GYPB: variants seen among roughly 807,000 people sequenced by gnomAD.
GYPB encodes the protein glycophorin B (MNS blood group).
GYPB carries 13 observed loss-of-function variants against 15.3 expected under a neutral mutation model. The observed-to-expected ratio is 0.85, with a 90% CI of 0.55 to 1.35. The LOEUF is 1.35. Among genes scored for constraint, GYPB ranks in the 40% most tolerant of loss-of-function variants. The pLI, the probability that GYPB is intolerant of heterozygous loss-of-function variation, is 0.00. For synonymous variants in GYPB, 38 were observed against 36.9 expected (o/e 1.03, Z -0.11); for missense variants, 131 against 108.3 (o/e 1.21, Z -0.93).
Position 144,002,303 on chromosome 4 carries a change from G to C in GYPB, c.38-1020C>G, listed in dbSNP as rs533149759. Among the ~76,000 whole-genome samples the C allele has an allele frequency of 6.3e-4, 96 of 151,558 alleles. 1 individual carries two copies. The Middle Eastern group carries it at 0.017, about 27-fold the overall frequency. On this transcript the variant is annotated intron_variant, in intron 1 of 4. Coordinates refer to ENST00000502664, the MANE Select transcript of GYPB (RefSeq NM_002100.6). The stretch of plus-strand genomic sequence containing the variant: ...CCATCTGAACTTTTAGTTGTTATAT[G>C]TAAATATGGGATCATGGTGTTTAAA...
At chr4:144,018,828 T>C (rs1380322566) in intron 1 of GYPB, among the ~76,000 whole-genome samples, 2 of 150,724 alleles carry the variant, frequency 1.3e-5, no homozygotes, top group South Asian at 4.2e-4. Flanking sequence ...CTTCTCACCA[T>C]TTGGCAGAAA....
intron 1 of GYPB, among the ~76,000 whole-genome samples, chr4:144,006,211 T>A (rs1727907488): frequency 6.6e-6 from 1 of 151,958 alleles, no homozygotes; most frequent in Non-Finnish European, 1.5e-5. Flanking sequence ...GTGGAATGAA[T>A]TGGTATACTT....
At chr4:144,004,630 GA>G (rs1727801919) in intron 1 of GYPB, among the ~76,000 whole-genome samples, 1 of 149,240 alleles carries the variant, frequency 6.7e-6, no homozygotes, top group Non-Finnish European at 1.5e-5. Context: ...TATCTGGAAG[GA>G]GAAACCAAAG....
chr4:143,995,549 C>T (rs1344127733), downstream of GYPB, among the ~76,000 whole-genome samples: 2 of 151,152 alleles, frequency 1.3e-5, no homozygotes, highest in Admixed American at 6.6e-5. Context: ...TCCTGGAGTC[C>T]CTCAGAGATT....
At chr4:144,000,745 G>T (rs1727580050) in intron 2 of GYPB, among the ~76,000 whole-genome samples, 1 of 151,038 alleles carries the variant, frequency 6.6e-6, no homozygotes, top group South Asian at 2.1e-4. Flanking sequence ...TTAGAGAAAT[G>T]CTGTGAGATA....
At chr4:144,001,670 A>T (rs545171258) in intron 1 of GYPB, among the ~76,000 whole-genome samples, 1 of 151,408 alleles carries the variant, frequency 6.6e-6, no homozygotes, top group Non-Finnish European at 1.5e-5. Flanking sequence ...TGACACATAA[A>T]GAGCATTACA....
intron 1 of GYPB, chr4:144,002,485 A>G: frequency 1.5e-6 from 1 of 678,546 alleles, no homozygotes; most frequent in South Asian, 1.6e-5. Flanking sequence ...TCAGTCTCCT[A>G]TTCTGTGCAT....
chr4:144,003,395 T>G (rs1313379021), intron 1 of GYPB, among the ~76,000 whole-genome samples: 2 of 151,252 alleles, frequency 1.3e-5, no homozygotes, highest in Non-Finnish European at 2.9e-5. Context: ...CCACTTCTGC[T>G]CACAGAAGGT....
intron 1 of GYPB, among the ~76,000 whole-genome samples, chr4:144,007,095 A>G (rs1266484068): frequency 6.6e-6 from 1 of 150,846 alleles, no homozygotes; most frequent in African/African-American, 2.5e-5. Flanking sequence ...GTCTGTGGCC[A>G]TTCATTTTTC....
intron 1 of GYPB, chr4:144,008,258 A>G (rs1728029601): frequency 2.5e-6 from 1 of 399,670 alleles, no homozygotes; most frequent in Admixed American, 2.7e-5. Flanking sequence ...TGTAGCAGAA[A>G]GAGAATGAGG....
intron 1 of GYPB, among the ~76,000 whole-genome samples, chr4:144,015,222 T>G (rs1464465549): frequency 6.6e-6 from 1 of 151,374 alleles, no homozygotes; most frequent in Non-Finnish European, 1.5e-5. Context: ...GTATTCAAAA[T>G]GAGAAAAAAT....
At chr4:144,000,716 ACTT>A (rs763382721) in intron 2 of GYPB, among the ~76,000 whole-genome samples, 14 of 151,010 alleles carry the variant, frequency 9.3e-5, no homozygotes, top group Non-Finnish European at 1.8e-4. Flanking sequence ...ACTTTTAGAC[ACTT>A]CTTCTTATTT....
chr4:144,018,068 T>C (rs1483022131), intron 1 of GYPB, among the ~76,000 whole-genome samples: 1 of 151,400 alleles, frequency 6.6e-6, no homozygotes, highest in Non-Finnish European at 1.5e-5. Context: ...TTAATCATGA[T>C]AGTTAATTCT....
In GYPB at chr4:143,997,415, G is replaced by C. The variant is rs1446873292; in HGVS notation, c.270+125C>G. 6.3e-5 allele frequency: 40 copies of C among 634,894 alleles called. No individual in the cohort carries two copies. The South Asian group carries it at 6.9e-4, about 11-fold the overall frequency. 39.3% of individuals were successfully genotyped at this position (634,894 alleles called of 1,614,324 possible). A position where few individuals can be genotyped will look rare whatever the true frequency, so the allele number is the denominator to read the frequency against. ...AAACACAGTGACTTCTATGTGTCCA[G>C]TTGAAAAAGATGGAATTTTATGCAG... On this transcript the variant is annotated intron_variant, in intron 4 of 4. Coordinates refer to ENST00000502664, the MANE Select transcript of GYPB (RefSeq NM_002100.6).
chr4:144,016,895 G>A lies in GYPB; in HGVS notation c.37+2356C>T, dbSNP rs182030141. On this transcript the variant is annotated intron_variant, in intron 1 of 4. Coordinates refer to ENST00000502664, the MANE Select transcript of GYPB (RefSeq NM_002100.6). ...GGTTGGCTCCATCTCCTTGTTCCAC[G>A]TTTAGCATAAATGTCATCTACTCAG... 223 of 350,682 alleles carry A rather than the reference G, an allele frequency of 6.4e-4. 9 individuals are homozygous for A. The highest frequency in any genetic ancestry group is 3.4e-3 in the East Asian group (46 of 13,710). The allele number at this position is 350,682 out of a possible 1,614,324, so 21.7% of individuals were successfully genotyped here. A position where few individuals can be genotyped will look rare whatever the true frequency, so the allele number is the denominator to read the frequency against.
Position 143,996,181 on chromosome 4 carries a change from G to A in GYPB, c.*118C>T. The A allele has an allele frequency of 6.5e-7, 1 of 1,538,730 alleles. No homozygotes were observed. ...GTGAGGCAGGAGAACAGGGAATTAG[G>A]ATAGCCAGGGGTAGGGGCATAAGCA... On this transcript the variant is annotated 3_prime_UTR_variant, in exon 5 of 5. Coordinates refer to ENST00000502664, the MANE Select transcript of GYPB (RefSeq NM_002100.6).
chr4:144,011,692 C>A (rs1235254939), intron 1 of GYPB, among the ~76,000 whole-genome samples: 1 of 151,314 alleles, frequency 6.6e-6, no homozygotes, highest in Non-Finnish European at 1.5e-5. Context: ...TATCTGCTTG[C>A]AATCACAAGC....
chr4:144,015,867 A>G (rs1728462376), intron 1 of GYPB, among the ~76,000 whole-genome samples: 1 of 151,116 alleles, frequency 6.6e-6, no homozygotes, highest in African/African-American at 2.5e-5. Context: ...GCTTGATTGA[A>G]TAGACACAGG....
At chr4:144,011,426 A>G (rs1256432783) in intron 1 of GYPB, among the ~76,000 whole-genome samples, 1 of 151,294 alleles carries the variant, frequency 6.6e-6, no homozygotes, top group African/African-American at 2.5e-5. Context: ...GAATAACCAT[A>G]TTAATCTTAG....
Sources: allele counts gnomAD v4.1 joint callset (sites outside exome capture counted in the v4.1 genomes callset), GRCh38; gene constraint gnomAD v4.1.1; transcripts MANE v1.5; gene names NCBI Gene and HGNC (gene_info 2026-07-23, HGNC 2026-07-21).